The following B3GLCT variants were observed in gnomAD, a reference collection of about 807,000 sequenced individuals.
The protein encoded by B3GLCT is beta-1,3-glucosyltransferase.
Under a neutral mutation model 63.4 loss-of-function variants are expected in B3GLCT, and 65 were observed. The ratio of observed to expected loss-of-function variants is 1.03; its 90% CI spans 0.84 to 1.26. The LOEUF (loss-of-function observed/expected upper bound fraction) is 1.26, where lower values mean the gene tolerates loss of function less well. B3GLCT is among the 50% of genes most tolerant of loss of function. The pLI is 0.00. For missense variants in B3GLCT, 577 were observed against 604.8 expected, an observed-to-expected ratio of 0.95 and a Z score of 0.48; for synonymous variants, 233 against 219.2, an observed-to-expected ratio of 1.06 and a Z score of -0.55.
intron 12 of B3GLCT, among the ~76,000 whole-genome samples, chr13:31,314,054 T>C (rs1874864985): frequency 6.6e-6 from 1 of 152,148 alleles, no homozygotes; most frequent in South Asian, 2.1e-4. Flanking sequence ...TACACAGAAG[T>C]TAAGAATTAA....
chr13:31,201,065 C>CT (rs1868641436), intron 1 of B3GLCT, among the ~76,000 whole-genome samples: 2 of 147,044 alleles, frequency 1.4e-5, no homozygotes, highest in African/African-American at 5.0e-5. Flanking sequence ...ATTTGTTCAA[C>CT]TTTGAAAGCT....
intron 4 of B3GLCT, among the ~76,000 whole-genome samples, chr13:31,237,902 G>T (rs150236253): frequency 2.0e-5 from 3 of 152,186 alleles, no homozygotes; most frequent in Non-Finnish European, 4.4e-5. Context: ...AAGCATGAAG[G>T]TTGCAGTTTT....
rs376933953 is a variant in B3GLCT, at chr13:31,329,689, T to A, written c.*21T>A. ...TATAAATCAGGGTGACCTGTGCGCCTAGCCTGCGCAGGGAATGAACTGGAG... is the reference window on the plus strand; with the variant it reads ...TATAAATCAGGGTGACCTGTGCGCCAAGCCTGCGCAGGGAATGAACTGGAG... On this transcript the variant is annotated 3_prime_UTR_variant, in exon 15 of 15. Coordinates refer to ENST00000343307, the MANE Select transcript of B3GLCT (RefSeq NM_194318.4). 2 of 1,613,166 alleles carry A rather than the reference T, an allele frequency of 1.2e-6. No homozygotes were observed. Among genetic ancestry groups the A allele is most frequent in the Non-Finnish European group, 1.7e-6 (2 of 1,179,434 alleles).
Position 31,256,728 on chromosome 13 carries a change from C to T in B3GLCT, c.460-4218C>T, listed in dbSNP as rs111402931. 4.9e-3 allele frequency among the ~76,000 whole-genome samples: 744 copies of T among 152,228 alleles called. 10 individuals are homozygous for T. Among genetic ancestry groups the T allele is most frequent in the African/African-American group, 0.017 (719 of 41,526 alleles). ...ATAAGTGGGAGTTAATCAATGAGAA[C>T]ACATGGACACAGGGAGGGGAACATC... On this transcript the variant is annotated intron_variant, in intron 6 of 14. Transcript: ENST00000343307.
intron 2 of B3GLCT, among the ~76,000 whole-genome samples, chr13:31,216,886 A>G (rs1008729483): frequency 7.2e-5 from 11 of 152,114 alleles, no homozygotes; most frequent in African/African-American, 2.4e-4. Context: ...TGTCTTTGCT[A>G]TTGTGAATAG....
intron 11 of B3GLCT, among the ~76,000 whole-genome samples, chr13:31,286,153 A>G (rs774888660): frequency 2.0e-5 from 3 of 152,150 alleles, no homozygotes; most frequent in Non-Finnish European, 2.9e-5. Context: ...TAATTTATCT[A>G]TTGGTATCTG....
intron 7 of B3GLCT, among the ~76,000 whole-genome samples, chr13:31,262,114 G>A (rs376976038): frequency 8.5e-5 from 13 of 152,202 alleles, no homozygotes; most frequent in African/African-American, 2.7e-4. Flanking sequence ...AGGAAGAGTC[G>A]TTTGCAGTTG....
rs140601471 is a variant in B3GLCT, at chr13:31,295,442, C to A, written c.1064+8623C>A. Among the ~76,000 whole-genome samples the A allele has an allele frequency of 3.9e-3, 595 of 152,306 alleles. 4 individuals carry two copies. The highest frequency in any genetic ancestry group is 0.014 in the African/African-American group (574 of 41,560). On this transcript the variant is annotated intron_variant, in intron 12 of 14. Coordinates refer to ENST00000343307, the MANE Select transcript of B3GLCT (RefSeq NM_194318.4). ...CCACCCCTTCCCCCAGGTGCTCTGT[C>A]CCAGGGAGGTGGGAGTTTTATGTAT... is the stretch of plus-strand genomic sequence containing the variant.
At chr13:31,314,771 G>A (rs184859544) in intron 12 of B3GLCT, among the ~76,000 whole-genome samples, 1 of 152,304 alleles carries the variant, frequency 6.6e-6, no homozygotes, top group Admixed American at 6.5e-5. Flanking sequence ...TTGAGAGGGG[G>A]CAGGGGTGGA....
chr13:31,290,392 C>G (rs1359377205), intron 12 of B3GLCT, among the ~76,000 whole-genome samples: 1 of 152,128 alleles, frequency 6.6e-6, no homozygotes, highest in Admixed American at 6.5e-5. Flanking sequence ...AATGGGATTG[C>G]TAGGTCAAAT....
At chr13:31,311,041 G>A (rs931529729) in intron 12 of B3GLCT, among the ~76,000 whole-genome samples, 3 of 152,246 alleles carry the variant, frequency 2.0e-5, no homozygotes, top group Admixed American at 6.5e-5. Flanking sequence ...CTGGCCAACC[G>A]TGGAGATTTC....
chr13:31,213,809 G>A (rs991433443), intron 1 of B3GLCT, among the ~76,000 whole-genome samples: 2 of 151,994 alleles, frequency 1.3e-5, no homozygotes, highest in Non-Finnish European at 2.9e-5. Context: ...TTTTACATGA[G>A]GTGGTCTTGG....
chr13:31,274,211 C>G (rs1473936371), intron 8 of B3GLCT, among the ~76,000 whole-genome samples: 1 of 152,218 alleles, frequency 6.6e-6, no homozygotes, highest in Non-Finnish European at 1.5e-5. Flanking sequence ...TTTCTTACAT[C>G]TCTCTCTGTG....
intron 12 of B3GLCT, among the ~76,000 whole-genome samples, chr13:31,317,235 C>T (rs1299429257): frequency 6.6e-6 from 1 of 152,168 alleles, no homozygotes; most frequent in Non-Finnish European, 1.5e-5. Flanking sequence ...AGATCTAGAG[C>T]ACACTGGCCA....
intron 6 of B3GLCT, among the ~76,000 whole-genome samples, chr13:31,250,584 C>G (rs1214007309): frequency 6.6e-6 from 1 of 152,258 alleles, no homozygotes; most frequent in Non-Finnish European, 1.5e-5. Context: ...ACAGTGTAAA[C>G]AAAGCCACCA....
rs1207781011 is a variant in B3GLCT at position 31,329,482 on chromosome 13, C to T, written c.1330-19C>T. 1.9e-6 allele frequency: 3 copies of T among 1,613,934 alleles called. No homozygotes were observed. The highest frequency in any genetic ancestry group is 1.7e-6 in the Non-Finnish European group (2 of 1,179,848). ...ATATTCAATCAACAAGGAAGCCTAA[C>T]TCTCTATTTTTCCTGCAGGCTCGGC... is the stretch of plus-strand genomic sequence containing the variant. On this transcript the variant is annotated intron_variant, in intron 14 of 14. Transcript: ENST00000343307.
chr13:31,216,391 T>C (rs1869565657), intron 2 of B3GLCT, among the ~76,000 whole-genome samples: 1 of 152,208 alleles, frequency 6.6e-6, no homozygotes, highest in African/African-American at 2.4e-5. Context: ...TTTTTTTTTC[T>C]TTTCAACTTG....
rs931947133 is a variant in B3GLCT, at chr13:31,330,966, A to T, written c.*1298A>T. The T allele has an allele frequency of 6.6e-6, 1 of 152,144 alleles. No homozygotes were observed. Among genetic ancestry groups the T allele is most frequent in the African/African-American group, 2.4e-5 (1 of 41,422 alleles). 9.4% of individuals were successfully genotyped at this position (152,144 alleles called of 1,614,324 possible). Reference sequence around the variant, plus strand: ...TATGTTTTTCTTGTAGCATAGATTGACTATTTGCAATAGTATTAGTATTTA... The same window carrying T: ...TATGTTTTTCTTGTAGCATAGATTGTCTATTTGCAATAGTATTAGTATTTA... On this transcript the variant is annotated 3_prime_UTR_variant, in exon 15 of 15. Transcript: ENST00000343307.
intron 1 of B3GLCT, among the ~76,000 whole-genome samples, chr13:31,204,496 G>T (rs907369102): frequency 6.6e-6 from 1 of 152,180 alleles, no homozygotes; most frequent in Non-Finnish European, 1.5e-5. Flanking sequence ...AGGTAAGTGG[G>T]TGGCAGAGCT....
Sources: allele counts gnomAD v4.1 joint callset (sites outside exome capture counted in the v4.1 genomes callset), GRCh38; gene constraint gnomAD v4.1.1; transcripts MANE v1.5; gene names NCBI Gene and HGNC (gene_info 2026-07-23, HGNC 2026-07-21).